The following IFT25 variants were observed in gnomAD, a reference collection of about 807,000 sequenced individuals.
The protein encoded by IFT25 is intraflagellar transport 25.
chr1:53,922,038 C>T, the IFT25 span, among the ~76,000 whole-genome samples: 1 of 152,306 alleles, frequency 6.6e-6, no homozygotes, highest in Middle Eastern at 3.4e-3. Context: ...GAACTAGCCT[C>T]AAAGCTAGTC....
chr1:53,944,599 G>A, the IFT25 span, among the ~76,000 whole-genome samples: 1 of 152,180 alleles, frequency 6.6e-6, no homozygotes, highest in Non-Finnish European at 1.5e-5. Flanking sequence ...AGGCGAGACC[G>A]CGCCACTGCA....
the IFT25 span, chr1:53,946,300 T>G: frequency 6.6e-6 from 1 of 151,112 alleles, no homozygotes; most frequent in African/African-American, 2.4e-5. Context: ...CGCCTCCAGG[T>G]CCGGCCCCGC....
At chr1:53,931,888 T>C in the IFT25 span, among the ~76,000 whole-genome samples, 1 of 152,292 alleles carries the variant, frequency 6.6e-6, no homozygotes, top group South Asian at 2.1e-4. Context: ...TTACTTTGGG[T>C]TTAATTTGCT....
the IFT25 span, among the ~76,000 whole-genome samples, chr1:53,932,501 T>TA: frequency 6.6e-6 from 1 of 152,354 alleles, no homozygotes; most frequent in African/African-American, 2.4e-5. Flanking sequence ...ACATACTATC[T>TA]AAGATTTTAA....
At chr1:53,924,532 T>G in the IFT25 span, among the ~76,000 whole-genome samples, 1 of 152,228 alleles carries the variant, frequency 6.6e-6, no homozygotes, top group Non-Finnish European at 1.5e-5. Context: ...AAAGATTTAA[T>G]TGCTATAATG....
chr1:53,926,835 A>G, the IFT25 span, among the ~76,000 whole-genome samples: 1 of 151,320 alleles, frequency 6.6e-6, no homozygotes, highest in South Asian at 2.1e-4. Flanking sequence ...TGGTCCTTCC[A>G]TCTCAGCCTC....
At chr1:53,934,988 G>A in the IFT25 span, among the ~76,000 whole-genome samples, 1 of 152,142 alleles carries the variant, frequency 6.6e-6, no homozygotes, top group Non-Finnish European at 1.5e-5. Flanking sequence ...GACAGAGCAA[G>A]ACTCTGTCTC....
the IFT25 span, among the ~76,000 whole-genome samples, chr1:53,936,886 G>A: frequency 1.3e-5 from 2 of 151,742 alleles, no homozygotes; most frequent in African/African-American, 4.8e-5. Context: ...TTAGAGATGC[G>A]GTCTTGCTAT....
chr1:53,936,187 C>T, the IFT25 span, among the ~76,000 whole-genome samples: 1 of 152,130 alleles, frequency 6.6e-6, no homozygotes, highest in African/African-American at 2.4e-5. Context: ...ACTCGGAAGG[C>T]TGAGGCAGAA....
chr1:53,911,795 G>T, the IFT25 span, among the ~76,000 whole-genome samples: 16 of 152,090 alleles, frequency 1.1e-4, no homozygotes, highest in Admixed American at 9.2e-4. Flanking sequence ...AAGCTGCCTT[G>T]GTATCTTGAC....
At chr1:53,926,572 TG>T in the IFT25 span, among the ~76,000 whole-genome samples, 1 of 152,206 alleles carries the variant, frequency 6.6e-6, no homozygotes, top group Non-Finnish European at 1.5e-5. Context: ...TTTCCCCAAT[TG>T]TCCCTGTCTT....
chr1:53,924,680 C>CA, the IFT25 span, among the ~76,000 whole-genome samples: 1 of 151,892 alleles, frequency 6.6e-6, no homozygotes, highest in African/African-American at 2.4e-5. Context: ...ACTAAAAATA[C>CA]AAAAAAATTA....
At chr1:53,916,613 A>G in the IFT25 span, 7 of 254,500 alleles carry the variant, frequency 2.8e-5, no homozygotes, top group African/African-American at 1.4e-4. Flanking sequence ...CACAATTGCT[A>G]TAATTCACAT....
chr1:53,919,908 G>C, the IFT25 span, among the ~76,000 whole-genome samples: 2 of 151,682 alleles, frequency 1.3e-5, no homozygotes, highest in African/African-American at 4.9e-5. Context: ...TACCACCTCA[G>C]CCTCCCAAGC....
At chr1:53,915,370 T>G in the IFT25 span, among the ~76,000 whole-genome samples, 1 of 152,164 alleles carries the variant, frequency 6.6e-6, no homozygotes, top group Non-Finnish European at 1.5e-5. Context: ...AGTAATTCAA[T>G]TGGATTAAAT....
the IFT25 span, chr1:53,921,653 A>G: frequency 1.3e-6 from 2 of 1,564,904 alleles, no homozygotes; most frequent in Admixed American, 1.7e-5. Flanking sequence ...TGTTATCATT[A>G]TGAGGAAAGA....
the IFT25 span, among the ~76,000 whole-genome samples, chr1:53,919,608 C>T: frequency 2.0e-5 from 3 of 152,158 alleles, no homozygotes; most frequent in African/African-American, 7.2e-5. Flanking sequence ...TTGCATTAAG[C>T]CACTATGCTT....
At chr1:53,928,683 A>AAAAGGTATGTG in the IFT25 span, 1 of 410,646 alleles carries the variant, frequency 2.4e-6, no homozygotes. Context: ...GCTTTTCTGA[A>AAAAGGTATGTG]TTTGGCATTG....
the IFT25 span, among the ~76,000 whole-genome samples, chr1:53,936,490 T>C: frequency 3.3e-5 from 5 of 152,186 alleles, no homozygotes; most frequent in African/African-American, 1.2e-4. Flanking sequence ...CTTGTAATTA[T>C]GTATAAGGAA....
Sources: allele counts gnomAD v4.1 joint callset (sites outside exome capture counted in the v4.1 genomes callset), GRCh38; gene constraint gnomAD v4.1.1; transcripts MANE v1.5; gene names NCBI Gene and HGNC (gene_info 2026-07-23, HGNC 2026-07-21).